The following RHOG variants were observed in gnomAD, a reference collection of about 807,000 sequenced individuals.
RHOG encodes the protein ras homolog family member G.
In RHOG, 1 loss-of-function variant was observed where a neutral mutation model predicts 12.3. The ratio of observed to expected loss-of-function variants is 0.08; its 90% CI spans 0.03 to 0.39. RHOG has a LOEUF of 0.39. Ranked by LOEUF, RHOG falls within the 10% of genes least tolerant of loss-of-function variation. The pLI is 0.99. For missense variants in RHOG, 114 were observed against 266.2 expected, an observed-to-expected ratio of 0.43 and a Z score of 3.98; for synonymous variants, 129 against 116.0, an observed-to-expected ratio of 1.11 and a Z score of -0.72.
intron 1 of RHOG, among the ~76,000 whole-genome samples, chr11:3,840,009 G>C (rs1331058573): frequency 6.6e-6 from 1 of 152,126 alleles, no homozygotes; most frequent in Non-Finnish European, 1.5e-5. Flanking sequence ...GGATTTGTGG[G>C]TAGAAACTAA....
chr11:3,834,912 A>C (rs895082283), intron 1 of RHOG, among the ~76,000 whole-genome samples: 8 of 152,152 alleles, frequency 5.3e-5, no homozygotes, highest in African/African-American at 1.7e-4. Flanking sequence ...CATTATAACT[A>C]CAATCCATCT....
At chr11:3,833,074 T>C (rs2090139418) in intron 1 of RHOG, among the ~76,000 whole-genome samples, 1 of 152,058 alleles carries the variant, frequency 6.6e-6, no homozygotes, top group South Asian at 2.1e-4. Flanking sequence ...AAAAAGTTAT[T>C]TAGTAAATCA....
In RHOG at chr11:3,827,397, G is replaced by A. The variant is rs1453449690; in HGVS notation, c.*166C>T. On this transcript the variant is annotated 3_prime_UTR_variant, in exon 2 of 2. Transcript: ENST00000351018. The surrounding 1 kb of genome is among the most constrained non-coding windows in gnomAD (Gnocchi z 7.3). ...GGCAGAGCCCAAAGCCCCTTTCTCTGCAGGCCTCCTTAAGGAGAAAAAGGC... is the reference window on the plus strand; with the variant it reads ...GGCAGAGCCCAAAGCCCCTTTCTCTACAGGCCTCCTTAAGGAGAAAAAGGC... The A allele has an allele frequency of 8.1e-6, 5 of 616,688 alleles. No homozygotes were observed. Among genetic ancestry groups the A allele is most frequent in the Non-Finnish European group, 1.4e-5 (5 of 352,098 alleles). 38.2% of individuals were successfully genotyped at this position (616,688 alleles called of 1,614,324 possible).
intron 1 of RHOG, among the ~76,000 whole-genome samples, chr11:3,835,195 C>T (rs996288531): frequency 2.0e-5 from 3 of 152,132 alleles, no homozygotes; most frequent in Admixed American, 2.0e-4. Flanking sequence ...GCACCCTAAG[C>T]TGAGCACACC....
intron 1 of RHOG, among the ~76,000 whole-genome samples, chr11:3,838,182 T>C (rs898506658): frequency 3.3e-5 from 5 of 152,358 alleles, no homozygotes; most frequent in Non-Finnish European, 5.9e-5. Flanking sequence ...CATACCTGTT[T>C]AGCCAAGACT....
chr11:3,829,250 T>C (rs899088648), intron 1 of RHOG, among the ~76,000 whole-genome samples: 1 of 114,234 alleles, frequency 8.8e-6, no homozygotes, highest in Non-Finnish European at 1.7e-5. Flanking sequence ...AATGGGGAAA[T>C]TTTTTTTTTT....
At chr11:3,833,520 A>T (rs1031552245) in intron 1 of RHOG, among the ~76,000 whole-genome samples, 2 of 152,150 alleles carry the variant, frequency 1.3e-5, no homozygotes, top group Non-Finnish European at 2.9e-5. Flanking sequence ...AGAGTTCTTC[A>T]CAATTTGATA....
intron 1 of RHOG, among the ~76,000 whole-genome samples, chr11:3,837,068 C>A (rs945219195): frequency 1.3e-5 from 2 of 152,094 alleles, no homozygotes; most frequent in African/African-American, 4.8e-5. Context: ...CTGGGCCCCA[C>A]CAAAGGCCTG....
intron 1 of RHOG, 142 bp downstream of exon 1, chr11:3,840,751 GC>G (rs2090188333): frequency 6.6e-6 from 1 of 151,916 alleles, no homozygotes; most frequent in African/African-American, 2.4e-5. Flanking sequence ...GGCCGGCCGC[GC>G]CCGCCCTACT....
At chr11:3,830,826 C>G (rs190616072) in intron 1 of RHOG, among the ~76,000 whole-genome samples, 66 of 152,136 alleles carry the variant, frequency 4.3e-4, no homozygotes, top group Non-Finnish European at 8.4e-4. Context: ...CACAGGGCCT[C>G]GGGGAGATGA....
chr11:3,827,947 A>G lies in RHOG; in HGVS notation c.192T>C (p.Tyr64=), dbSNP rs1167582237. Reference sequence around the variant, plus strand: ...GGTAGGAGAGTGTACGGAGGCGGTCATACTCCTCCTGGCCCGCAGTGTCCC... The same window carrying G: ...GGTAGGAGAGTGTACGGAGGCGGTCGTACTCCTCCTGGCCCGCAGTGTCCC... ...NLWDTAGQEE[Y]DRLRTLSYPQ... Residue 64 remains tyrosine (Y), a synonymous_variant, in exon 2 of 2, where the codon TAT becomes TAC. Coordinates refer to ENST00000351018, the MANE Select transcript of RHOG (RefSeq NM_001665.4). The surrounding 1 kb of genome is among the most constrained non-coding windows in gnomAD (Gnocchi z 7.3). 6.2e-7 allele frequency: 1 copy of G among 1,614,138 alleles called. No individual in the cohort carries two copies. The highest frequency in any genetic ancestry group is 1.3e-5 in the African/African-American group (1 of 74,956).
chr11:3,827,854 G>A lies in RHOG; in HGVS notation c.285C>T (p.His95=). 6.2e-7 allele frequency: 1 copy of A among 1,614,218 alleles called. No individual in the cohort carries two copies. The highest frequency in any genetic ancestry group is 1.1e-5 in the South Asian group (1 of 91,086). ...GGTGGCACACCTCTGGATGCCACTT[G>A]TGCCGCACGTTCTCATAGGACGGCG... ...ASPPSYENVR[H]KWHPEVCHHC... is the part of the protein sequence containing the mutation. The change falls in exon 2 of 2, where the codon CAC becomes CAT. Residue 95 remains histidine, a synonymous_variant. Coordinates refer to ENST00000351018, the MANE Select transcript of RHOG (RefSeq NM_001665.4). This position sits in a 1 kb window ranked among gnomAD's most constrained non-coding sequence, Gnocchi z 7.3.
Position 3,827,674 on chromosome 11 carries a change from G to C in RHOG, c.465C>G (p.Leu155=). Residue 155 remains leucine (L), a synonymous_variant, in exon 2 of 2, where the codon CTC becomes CTG. Coordinates refer to ENST00000351018, the MANE Select transcript of RHOG (RefSeq NM_001665.4). The surrounding 1 kb of genome is among the most constrained non-coding windows in gnomAD (Gnocchi z 7.3). ...LAKQIHAVRY[L]ECSALQQDGV... The stretch of plus-strand genomic sequence containing the variant: ...CATCCTGTTGCAGGGCTGAGCATTC[G>C]AGGTAGCGCACAGCGTGGATCTGCT... 6 of 1,614,034 alleles carry C rather than the reference G, an allele frequency of 3.7e-6. No homozygotes were observed. The highest frequency in any genetic ancestry group is 5.1e-6 in the Non-Finnish European group (6 of 1,180,030).
chr11:3,840,137 G>T (rs1285580556), intron 1 of RHOG, among the ~76,000 whole-genome samples: 1 of 152,136 alleles, frequency 6.6e-6, no homozygotes, highest in African/African-American at 2.4e-5. Flanking sequence ...ACTTGTCAGG[G>T]ACTATCAGTA....
At chr11:3,831,608 G>T (rs141895957) in intron 1 of RHOG, among the ~76,000 whole-genome samples, 1 of 152,190 alleles carries the variant, frequency 6.6e-6, no homozygotes, top group South Asian at 2.1e-4. Context: ...AACCAAGCAT[G>T]AGGCATTTAC....
At chr11:3,836,737 A>G (rs11030002) in intron 1 of RHOG, among the ~76,000 whole-genome samples, 86,867 of 150,482 alleles carry the variant, frequency 0.58, 25,750 homozygotes, top group Non-Finnish European at 0.65. Context: ...CATCTCTACT[A>G]AAAAATACAA....
intron 1 of RHOG, among the ~76,000 whole-genome samples, chr11:3,836,499 G>A (rs1176066551): frequency 6.6e-6 from 1 of 152,022 alleles, no homozygotes; most frequent in African/African-American, 2.4e-5. Flanking sequence ...ACTAGGAAAC[G>A]AGACAGTGGT....
chr11:3,834,045 C>T (rs552277522), intron 1 of RHOG, among the ~76,000 whole-genome samples: 1 of 152,308 alleles, frequency 6.6e-6, no homozygotes, highest in African/African-American at 2.4e-5. Context: ...GCCTCAGCCT[C>T]CTGAGTTATT....
At chr11:3,834,801 T>C (rs1263275020) in intron 1 of RHOG, among the ~76,000 whole-genome samples, 2 of 152,132 alleles carry the variant, frequency 1.3e-5, no homozygotes, top group Non-Finnish European at 2.9e-5. Flanking sequence ...GAACGGACTC[T>C]TAAAAGATAG....
Sources: gnomAD v4.1 joint callset for allele counts (sites outside exome capture counted in the v4.1 genomes callset) on GRCh38, gnomAD v4.1.1 for gene constraint, Gnocchi (gnomAD v3.1) non-coding constraint, MANE v1.5 for transcripts, NCBI Gene and HGNC (gene_info 2026-07-23, HGNC 2026-07-21) for gene names.